The following STS variants were observed in gnomAD, a reference collection of about 807,000 sequenced individuals.
The protein encoded by STS is steryl-sulfatase.
In STS, 7 loss-of-function variants were observed where a neutral mutation model predicts 26.8. The observed-to-expected ratio is 0.26, with a 90% CI of 0.15 to 0.49. The LOEUF (loss-of-function observed/expected upper bound fraction) is 0.49, where lower values mean the gene tolerates loss of function less well. Among genes scored for constraint, STS ranks in the 20% least tolerant of loss-of-function variants. The probability of loss-of-function intolerance (pLI) is 0.98; values close to 1 mark genes in which losing one functional copy is unlikely to be tolerated. For missense variants in STS, 434 were observed against 465.6 expected (o/e 0.93, Z 0.63); for synonymous variants, 199 against 189.4 (o/e 1.05, Z -0.42).
chrX:7,292,743 C>A (rs1925480378), intron 7 of STS, among the ~76,000 whole-genome samples: 1 of 111,267 alleles, frequency 9.0e-6, no homozygotes, highest in African/African-American at 3.3e-5. Flanking sequence ...GGTCTTTATT[C>A]TAATGAAATT....
At position 7,252,216 on chromosome X, in the gene STS, G is replaced by C. The variant is rs182417966; in HGVS notation, c.-4-980G>C. On this transcript the variant is annotated intron_variant, in intron 2 of 10. Transcript: ENST00000674429. ...GTTTTGTCTCCTGATGTCAGGGTCA[G>C]AGCCACAGAGACTTGGTTCTGGAAG... is the stretch of plus-strand genomic sequence containing the variant. The C allele has an allele frequency of 4.0e-5, 26 of 654,844 alleles. No individual in the cohort carries two copies. The African/African-American group carries it at 4.1e-4, about 10-fold the overall frequency. The allele number at this position is 654,844 out of a possible 1,213,427, so 54.0% of individuals were successfully genotyped here.
intron 2 of STS, among the ~76,000 whole-genome samples, chrX:7,241,484 A>G (rs1319367524): frequency 3.6e-5 from 4 of 111,888 alleles, no homozygotes; most frequent in Non-Finnish European, 7.5e-5. Context: ...ACAAAAATTC[A>G]TTTTTACATG....
chrX:7,258,969 T>C (rs1432169058), intron 5 of STS, among the ~76,000 whole-genome samples: 1 of 111,378 alleles, frequency 9.0e-6, no homozygotes, highest in African/African-American at 3.3e-5. Flanking sequence ...ATTAAAGATA[T>C]TAGCTAGTTT....
At chrX:7,173,186 G>A (rs1271341582) in intron 1 of STS, among the ~76,000 whole-genome samples, 3 of 111,179 alleles carry the variant, frequency 2.7e-5, no homozygotes, top group Non-Finnish European at 3.8e-5. Flanking sequence ...GAGAATATGT[G>A]GTGTTTGGTT....
intron 2 of STS, among the ~76,000 whole-genome samples, chrX:7,225,341 A>G (rs756618464): frequency 3.6e-5 from 4 of 111,457 alleles, no homozygotes; most frequent in Non-Finnish European, 7.5e-5. Flanking sequence ...AGTGGGGCTC[A>G]TGGCTAAGAT....
chrX:7,305,327 C>G (rs1926159279), intron 8 of STS, 144 bp downstream of exon 8: 2 of 726,727 alleles, frequency 2.8e-6, no homozygotes, highest in South Asian at 4.8e-5. Context: ...GTCAGAAGGC[C>G]AAAGTGACCA....
intron 2 of STS, among the ~76,000 whole-genome samples, chrX:7,247,133 A>T (rs1569200360): frequency 8.9e-6 from 1 of 112,281 alleles, no homozygotes; most frequent in East Asian, 2.8e-4. Context: ...CTTGAATTCT[A>T]GGATTAGTCC....
chrX:7,318,570 T>C (rs1926824355), intron 8 of STS, among the ~76,000 whole-genome samples: 1 of 111,980 alleles, frequency 8.9e-6, no homozygotes, highest in South Asian at 3.8e-4. Context: ...TTGCACAAGA[T>C]TATGTTTATG....
Position 7,174,391 on chromosome X carries a change from A to G in STS, c.-133-16489A>G, listed in dbSNP as rs763744270. On this transcript the variant is annotated intron_variant, in intron 1 of 10. Transcript: ENST00000674429. ...TTTCACCAGCCAGCATACCTGCTGC[A>G]TGAAAACTAACCCATCACGCTCACC... Among the ~76,000 whole-genome samples the G allele has an allele frequency of 4.5e-5, 5 of 112,010 alleles. No individual in the cohort carries two copies. The East Asian group carries it at 1.4e-3, about 32-fold the overall frequency.
chrX:7,244,276 A>C (rs1177786915), intron 2 of STS, among the ~76,000 whole-genome samples: 1 of 112,186 alleles, frequency 8.9e-6, no homozygotes, highest in Non-Finnish European at 1.9e-5. Flanking sequence ...CTTGCAGCCT[A>C]ATGTTTTCCT....
chrX:7,335,157 G>C (rs1276344951), intron 10 of STS, among the ~76,000 whole-genome samples: 1 of 112,048 alleles, frequency 8.9e-6, no homozygotes, highest in East Asian at 2.8e-4. Context: ...GGTATTTCTA[G>C]TTCTAGATCC....
chrX:7,348,374 A>G (rs1483556838), intron 10 of STS, among the ~76,000 whole-genome samples: 1 of 112,465 alleles, frequency 8.9e-6, no homozygotes, highest in Non-Finnish European at 1.9e-5. Context: ...CATTATATGC[A>G]CAAATGATCG....
chrX:7,280,994 C>G (rs1438411706), intron 7 of STS, among the ~76,000 whole-genome samples: 1 of 111,756 alleles, frequency 8.9e-6, no homozygotes, highest in African/African-American at 3.3e-5. Context: ...GGCAAAACCG[C>G]GTCTCTAATC....
At position 7,191,208 on chromosome X, in the gene STS, G is replaced by C. The variant is rs934658140; in HGVS notation, c.-5+200G>C. Among the ~76,000 whole-genome samples the C allele has an allele frequency of 3.2e-5, 3 of 93,463 alleles. No homozygotes were observed. In the East Asian group the frequency reaches 1.0e-3, roughly 31 times the overall value. The allele number at this position is 93,463 out of a possible 115,157, so 81.2% of individuals were successfully genotyped here. ...ATTCAGAAAGAACTTTCCATCAAAA[G>C]GTCAAAGGGGAGCATCTGTGGGGCA... On this transcript the variant is annotated intron_variant, in intron 2 of 10. Coordinates refer to ENST00000674429, the MANE Select transcript of STS (RefSeq NM_001320752.2).
intron 7 of STS, among the ~76,000 whole-genome samples, chrX:7,289,990 A>C (rs1323204741): frequency 8.9e-6 from 1 of 111,809 alleles, no homozygotes; most frequent in East Asian, 2.8e-4. Context: ...GCTAGGAAAA[A>C]GAAGGAGGCA....
chrX:7,227,049 A>C (rs1921840207), intron 2 of STS, among the ~76,000 whole-genome samples: 1 of 112,438 alleles, frequency 8.9e-6, no homozygotes, highest in Non-Finnish European at 1.9e-5. Context: ...ATTACTAATC[A>C]GGCTGAATAC....
At chrX:7,276,921 A>G (rs1050804098) in intron 7 of STS, among the ~76,000 whole-genome samples, 2 of 111,957 alleles carry the variant, frequency 1.8e-5, no homozygotes, top group Admixed American at 1.9e-4. Context: ...CCATATCTAC[A>G]TCATCATCCC....
intron 2 of STS, among the ~76,000 whole-genome samples, chrX:7,233,444 T>G (rs1922168657): frequency 9.0e-6 from 1 of 111,630 alleles, no homozygotes; most frequent in African/African-American, 3.3e-5. Context: ...TAAATACTCA[T>G]TAGTGGGCTT....
intron 1 of STS, among the ~76,000 whole-genome samples, chrX:7,169,582 CTTT>C (rs1933422592): frequency 8.9e-6 from 1 of 111,844 alleles, no homozygotes; most frequent in Non-Finnish European, 1.9e-5. Context: ...GGTAATTCAA[CTTT>C]TTAAGGAACC....
Sources: allele counts gnomAD v4.1 joint callset (sites outside exome capture counted in the v4.1 genomes callset), GRCh38; gene constraint gnomAD v4.1.1; transcripts MANE v1.5; gene names NCBI Gene and HGNC (gene_info 2026-07-23, HGNC 2026-07-21).